The following CDH23 variants were observed in gnomAD, a reference collection of about 807,000 sequenced individuals.
The protein encoded by CDH23 is cadherin-23.
CDH23 carries 189 observed loss-of-function variants against 317.1 expected under a neutral mutation model. The observed-to-expected ratio is 0.60, with a 90% CI of 0.53 to 0.67. The LOEUF is 0.67. Ranked by LOEUF, CDH23 falls within the 30% of genes least tolerant of loss-of-function variation. The pLI, the probability that CDH23 is intolerant of heterozygous loss-of-function variation, is 0.00. For synonymous variants in CDH23, 1,839 were observed against 1,876.8 expected (o/e 0.98, Z 0.52); for missense variants, 4,401 against 4,592.4 (o/e 0.96, Z 1.20).
chr10:71,702,830 G>A (rs1360193838), intron 24 of CDH23, 136 bp downstream of exon 24: 1 of 946,430 alleles, frequency 1.1e-6, no homozygotes, highest in South Asian at 1.5e-5. Context: ...CTCTGGAGAT[G>A]TGGAGGGAAG....
chr10:71,646,370 C>T lies in CDH23; in HGVS notation c.1291-89C>T, dbSNP rs76800802. 52,175 of 1,559,868 alleles carry T rather than the reference C, an allele frequency of 0.033. 1,021 individuals carry two copies. The highest frequency in any genetic ancestry group is 0.04 in the Non-Finnish European group (45,743 of 1,148,898). On this transcript the variant is annotated intron_variant, in intron 13 of 69. Transcript: ENST00000224721. Reference sequence around the variant, plus strand: ...TCTAACAGGTGCTCTGGGCTGGGGCCGGCAAAGGCATGGAGAGGACTTACA... The same window carrying T: ...TCTAACAGGTGCTCTGGGCTGGGGCTGGCAAAGGCATGGAGAGGACTTACA...
chr10:71,399,358 G>T (rs2131883281), intron 1 of CDH23, among the ~76,000 whole-genome samples: 1 of 152,258 alleles, frequency 6.6e-6, no homozygotes, highest in South Asian at 2.1e-4. Context: ...TTTGAGCTGT[G>T]GTCCACAGTG....
At chr10:71,646,898 G>A in intron 14 of CDH23, 3 of 1,423,802 alleles carry the variant, frequency 2.1e-6, no homozygotes, top group Middle Eastern at 5.2e-4. Context: ...CTCAGTGAGG[G>A]TGGGCTGGGA....
At position 71,741,882 on chromosome 10, in the gene CDH23, G is replaced by A. The variant is rs377237148; in HGVS notation, c.4806G>A (p.Leu1602=). ...GCGAGCGCCAGAGCTTCTACCACCTGGTGGCCACTGTGGAGGACGAGGGCA... is the reference window on the plus strand; with the variant it reads ...GCGAGCGCCAGAGCTTCTACCACCTAGTGGCCACTGTGGAGGACGAGGGCA... ...PDRERQSFYH[L]VATVEDEGTP... The change falls in exon 38 of 70, where the codon CTG becomes CTA. Residue 1602 remains leucine, a synonymous_variant. Coordinates refer to ENST00000224721, the MANE Select transcript of CDH23 (RefSeq NM_022124.6). 2 of 1,609,148 alleles carry A rather than the reference G, an allele frequency of 1.2e-6. No homozygotes were observed. Among genetic ancestry groups the A allele is most frequent in the African/African-American group, 1.3e-5 (1 of 74,994 alleles).
intron 1 of CDH23, among the ~76,000 whole-genome samples, chr10:71,424,842 GAC>G (rs1442242604): frequency 6.6e-6 from 1 of 152,186 alleles, no homozygotes; most frequent in Non-Finnish European, 1.5e-5. Context: ...AGAGACCCCA[GAC>G]ACAGAGTAAA....
At chr10:71,544,185 T>G (rs1330224949) in intron 6 of CDH23, among the ~76,000 whole-genome samples, 2 of 152,176 alleles carry the variant, frequency 1.3e-5, no homozygotes, top group South Asian at 2.1e-4. Context: ...TTTACCGAAC[T>G]CTGGTCTGCT....
At chr10:71,491,075 GC>G (rs1252922185) in intron 3 of CDH23, among the ~76,000 whole-genome samples, 2 of 152,228 alleles carry the variant, frequency 1.3e-5, no homozygotes, top group African/African-American at 4.8e-5. Flanking sequence ...CAACCTGGGT[GC>G]CATTCCAGGT....
chr10:71,449,711 G>A (rs555824590), intron 3 of CDH23, among the ~76,000 whole-genome samples: 1 of 152,312 alleles, frequency 6.6e-6, no homozygotes, highest in African/African-American at 2.4e-5. Context: ...CTGTGAATGT[G>A]CTTTCCTGGG....
At chr10:71,398,929 C>T (rs1847658895) in intron 1 of CDH23, among the ~76,000 whole-genome samples, 1 of 152,160 alleles carries the variant, frequency 6.6e-6, no homozygotes, top group Admixed American at 6.5e-5. Flanking sequence ...CCCGTCTGTG[C>T]TGGGTCCGCA....
At chr10:71,657,208 G>T (rs1303569925) in intron 14 of CDH23, among the ~76,000 whole-genome samples, 1 of 152,390 alleles carries the variant, frequency 6.6e-6, no homozygotes, top group East Asian at 1.9e-4. Flanking sequence ...CGGGGTTGGG[G>T]TCCTGCCTCG....
chr10:71,569,241 C>T (rs1202416612), intron 7 of CDH23, among the ~76,000 whole-genome samples: 1 of 152,206 alleles, frequency 6.6e-6, no homozygotes, highest in African/African-American at 2.4e-5. Flanking sequence ...AAAGGCCCTC[C>T]CACCCTCTCA....
At chr10:71,712,863 G>C (rs776650486) in intron 28 of CDH23, 50 bp downstream of exon 28, 4 of 1,585,694 alleles carry the variant, frequency 2.5e-6, no homozygotes, top group Non-Finnish European at 2.6e-6. Context: ...GGGAGGCGGA[G>C]CCACACACGG....
intron 1 of CDH23, among the ~76,000 whole-genome samples, chr10:71,424,901 C>T (rs1287036248): frequency 6.6e-6 from 1 of 152,174 alleles, no homozygotes; most frequent in African/African-American, 2.4e-5. Context: ...GGGAAGGCTC[C>T]TCAGTCCCCG....
chr10:71,623,086 T>C (rs548518890), intron 11 of CDH23: 21 of 325,924 alleles, frequency 6.4e-5, no homozygotes, highest in African/African-American at 2.2e-4. Flanking sequence ...AGATGTAGCC[T>C]CTGCCCTCCC....
At chr10:71,639,127 G>T (rs1341024429) in intron 11 of CDH23, among the ~76,000 whole-genome samples, 3 of 152,236 alleles carry the variant, frequency 2.0e-5, no homozygotes, top group Non-Finnish European at 4.4e-5. Flanking sequence ...AGCCTGTAGT[G>T]GCTGGGCTCT....
chr10:71,678,118 T>C (rs1363340829), intron 16 of CDH23, among the ~76,000 whole-genome samples: 1 of 152,184 alleles, frequency 6.6e-6, no homozygotes, highest in Non-Finnish European at 1.5e-5. Context: ...GCTTAAATAT[T>C]AGGTCAGAAT....
intron 31 of CDH23, among the ~76,000 whole-genome samples, chr10:71,731,193 T>G (rs1180302254): frequency 2.0e-5 from 3 of 152,218 alleles, no homozygotes; most frequent in Non-Finnish European, 4.4e-5. Flanking sequence ...CTGGGCTGTC[T>G]GGCCTGTACC....
chr10:71,777,423 T>C (rs954514857), intron 38 of CDH23, among the ~76,000 whole-genome samples: 1 of 35,304 alleles, frequency 2.8e-5, no homozygotes, highest in Admixed American at 1.9e-4. Flanking sequence ...GATTGATTAG[T>C]GATGTCTGCT....
At chr10:71,799,716 C>A in intron 52 of CDH23, 87 bp downstream of exon 52, 2 of 1,567,220 alleles carry the variant, frequency 1.3e-6, no homozygotes, top group Non-Finnish European at 1.7e-6. Flanking sequence ...TTGTAGTAAT[C>A]CCTCTGGGTC....
Sources: gnomAD v4.1 joint callset for allele counts (sites outside exome capture counted in the v4.1 genomes callset) on GRCh38, gnomAD v4.1.1 for gene constraint, MANE v1.5 for transcripts, NCBI Gene and HGNC (gene_info 2026-07-23, HGNC 2026-07-21) for gene names.